ZNF607: variants seen among roughly 807,000 people sequenced by gnomAD.
The protein encoded by ZNF607 is zinc finger protein 607.
A neutral mutation model predicts 12.8 loss-of-function variants in ZNF607; 5 were observed. The ratio of observed to expected loss-of-function variants is 0.39; its 90% CI spans 0.20 to 0.82. The LOEUF (loss-of-function observed/expected upper bound fraction) is 0.82, where lower values mean the gene tolerates loss of function less well. Among genes scored for constraint, ZNF607 ranks in the 40% least tolerant of loss-of-function variants. The probability of loss-of-function intolerance (pLI) is 0.39; values close to 1 mark genes in which losing one functional copy is unlikely to be tolerated. For synonymous variants in ZNF607, 287 were observed against 276.2 expected (o/e 1.04, Z -0.39); for missense variants, 851 against 859.2 (o/e 0.99, Z 0.12).
intron 4 of ZNF607, among the ~76,000 whole-genome samples, chr19:37,705,276 A>G (rs1212594351): frequency 1.3e-5 from 2 of 152,220 alleles, no homozygotes; most frequent in East Asian, 1.9e-4. Flanking sequence ...CAATTTGACA[A>G]CTTAGATGAA....
In ZNF607 at chr19:37,699,276, T is replaced by C. The variant is rs148246810; in HGVS notation, c.855A>G (p.Glu285=). 37 of 1,613,916 alleles carry C rather than the reference T, an allele frequency of 2.3e-5. No individual in the cohort carries two copies. In the African/African-American group the frequency reaches 4.8e-4, roughly 21 times the overall value. Residue 285 remains glutamate, a synonymous_variant, in exon 5 of 5, where the codon GAA becomes GAG. Coordinates refer to ENST00000355202, the MANE Select transcript of ZNF607 (RefSeq NM_032689.5). ...HTGEKPHECK[E]CGKAFRQFSH... ...AAAACTGACGAAAGGCCTTTCCACA[T>C]TCCTTACATTCATGTGGCTTCTCTC...
chr19:37,698,667 ATAAC>A lies in ZNF607; in HGVS notation c.1460_1463del (p.Ser487IlefsTer37), dbSNP rs1461466055. The A allele has an allele frequency of 3.1e-6, 5 of 1,613,414 alleles. No homozygotes were observed. Among genetic ancestry groups the A allele is most frequent in the Non-Finnish European group, 4.2e-6 (5 of 1,179,874 alleles). ...TGCGATGTATAGTGAGTTTATGGCT[ATAAC>A]TAAAACCCTTCCCACACTCTTGACA... On this transcript the variant is annotated frameshift_variant, in exon 5 of 5. Transcript: ENST00000355202. LOFTEE classifies it low-confidence loss of function (END_TRUNC).
chr19:37,710,504 TGGA>T (rs1320783198), intron 2 of ZNF607, among the ~76,000 whole-genome samples: 17 of 138,658 alleles, frequency 1.2e-4, no homozygotes, highest in Non-Finnish European at 2.5e-4. Flanking sequence ...GAAAATGGAG[TGGA>T]GGAGATGAAG....
rs780530539 is a variant in ZNF607 at position 37,699,265 on chromosome 19, G to T, written c.866C>A (p.Ala289Asp). ...KPHECKECGK[A>D]FRQFSHLVGH... Reference sequence around the variant, plus strand: ...CACAAGGTGGGAAAACTGACGAAAGGCCTTTCCACATTCCTTACATTCATG... The same window carrying T: ...CACAAGGTGGGAAAACTGACGAAAGTCCTTTCCACATTCCTTACATTCATG... The change falls in exon 5 of 5, where the codon GCC becomes GAC. Residue 289 changes from alanine to aspartate, a missense_variant. Ala to Asp is a moderately radical substitution (Grantham distance 126, BLOSUM62 -2). Coordinates refer to ENST00000355202, the MANE Select transcript of ZNF607 (RefSeq NM_032689.5). The T allele has an allele frequency of 2.5e-6, 4 of 1,613,956 alleles. No homozygotes were observed. The highest frequency in any genetic ancestry group is 3.4e-6 in the Non-Finnish European group (4 of 1,179,998).
At chr19:37,713,187 G>T (rs529194746) in intron 1 of ZNF607, among the ~76,000 whole-genome samples, 3 of 151,974 alleles carry the variant, frequency 2.0e-5, no homozygotes, top group Admixed American at 6.6e-5. Context: ...AGTGTAATTT[G>T]TTCATAGCCT....
At chr19:37,707,819 C>T in intron 4 of ZNF607, 95 bp downstream of exon 4, 1 of 915,204 alleles carries the variant, frequency 1.1e-6, no homozygotes, top group Non-Finnish European at 1.7e-6. Context: ...AATTTATGAC[C>T]AATGTTTCAA....
In ZNF607 at chr19:37,699,932, G is replaced by GA; in HGVS notation, c.236-38dup. 4.9e-6 allele frequency: 7 copies of GA among 1,417,500 alleles called. No homozygotes were observed. In the South Asian group the frequency reaches 9.7e-5, roughly 20 times the overall value. The allele number at this position is 1,417,500 out of a possible 1,614,324, so 87.8% of individuals were successfully genotyped here. On this transcript the variant is annotated intron_variant, in intron 4 of 4. Transcript: ENST00000355202. ...AAAATAAAAACATTTTATTGGATGA[G>GA]AAAATGTCAATGTTATTGTAGAATT... is the stretch of plus-strand genomic sequence containing the variant.
Position 37,698,030 on chromosome 19 carries a change from A to G in ZNF607, c.*10T>C. The G allele has an allele frequency of 1.3e-6, 2 of 1,570,364 alleles. No homozygotes were observed. The highest frequency in any genetic ancestry group is 2.4e-5 in the South Asian group (2 of 82,776). On this transcript the variant is annotated 3_prime_UTR_variant, in exon 5 of 5. Transcript: ENST00000355202. The stretch of plus-strand genomic sequence containing the variant: ...TTTCTTTACTACCTGTATATGCCAC[A>G]ATTTCTCTATCAAATATGAATTCTC...
At chr19:37,716,754 C>G (rs1337854128) in intron 1 of ZNF607, among the ~76,000 whole-genome samples, 1 of 152,110 alleles carries the variant, frequency 6.6e-6, no homozygotes, top group Non-Finnish European at 1.5e-5. Context: ...GACGAAACTG[C>G]CTTAATTCCA....
In ZNF607 at chr19:37,696,904, C is replaced by T. The variant is rs140031287; in HGVS notation, c.*1136G>A. 4.8e-3 allele frequency: 3,280 copies of T among 677,014 alleles called. 15 individuals are homozygous for T. Among genetic ancestry groups the T allele is most frequent in the Non-Finnish European group, 6.8e-3 (2,534 of 373,528 alleles). 41.9% of individuals were successfully genotyped at this position (677,014 alleles called of 1,614,324 possible). A position where few individuals can be genotyped will look rare whatever the true frequency, so the allele number is the denominator to read the frequency against. On this transcript the variant is annotated 3_prime_UTR_variant, in exon 5 of 5. Coordinates refer to ENST00000355202, the MANE Select transcript of ZNF607 (RefSeq NM_032689.5). ...AAGGTCAGATGTGTCAAAGACACGT[C>T]GTCCAGAATGAGCCCAAAGGTGGCT...
At chr19:37,710,186 C>T (rs1228449431) in intron 2 of ZNF607, among the ~76,000 whole-genome samples, 2 of 150,076 alleles carry the variant, frequency 1.3e-5, no homozygotes, top group African/African-American at 2.5e-5. Flanking sequence ...AGTGGATGGC[C>T]GGGCGCGGTG....
At position 37,698,591 on chromosome 19, in the gene ZNF607, A is replaced by C; in HGVS notation, c.1540T>G (p.Phe514Val). The change falls in exon 5 of 5, where the codon TTT becomes GTT. Residue 514 changes from phenylalanine to valine, a missense_variant. By Grantham distance (50) the Phe-to-Val change is conservative. Transcript: ENST00000355202. Reference sequence around the variant, plus strand: ...TGAGTAAGTTGTCCAGATACACTAAAGGCCTTCCCACATTCCTTACATTCA... The same window carrying C: ...TGAGTAAGTTGTCCAGATACACTAACGGCCTTCCCACATTCCTTACATTCA... ...PYECKECGKA[F>V]SVSGQLTQHL... The C allele has an allele frequency of 6.2e-7, 1 of 1,614,112 alleles. No homozygotes were observed. The highest frequency in any genetic ancestry group is 8.5e-7 in the Non-Finnish European group (1 of 1,180,002).
At chr19:37,704,773 C>T (rs111581996) in intron 4 of ZNF607, among the ~76,000 whole-genome samples, 33 of 152,220 alleles carry the variant, frequency 2.2e-4, no homozygotes, top group Middle Eastern at 3.4e-3. Context: ...CTGGCTAACA[C>T]GGTGAAACCT....
Position 37,698,526 on chromosome 19 carries a change from GCATT to G in ZNF607, c.1601_1604del (p.Glu534AlafsTer189), listed in dbSNP as rs2045001334. The G allele has an allele frequency of 1.2e-6, 2 of 1,611,628 alleles. No homozygotes were observed. Among genetic ancestry groups the G allele is most frequent in the Non-Finnish European group, 1.7e-6 (2 of 1,178,166 alleles). The stretch of plus-strand genomic sequence containing the variant: ...ACCTAAAAGACTTCCCGCATTTGTT[GCATT>G]CAAAGGGTTTCTTACCACTGTGAAT... On this transcript the variant is annotated frameshift_variant, in exon 5 of 5. Transcript: ENST00000355202. LOFTEE classifies it low-confidence loss of function (END_TRUNC).
At position 37,696,583 on chromosome 19, in the gene ZNF607, C is replaced by T; in HGVS notation, c.*1457G>A. The T allele has an allele frequency of 1.9e-6, 1 of 540,400 alleles. No individual in the cohort carries two copies. The highest frequency in any genetic ancestry group is 3.4e-6 in the Non-Finnish European group (1 of 296,484). The allele number at this position is 540,400 out of a possible 1,614,324, so 33.5% of individuals were successfully genotyped here. A position where few individuals can be genotyped will look rare whatever the true frequency, so the allele number is the denominator to read the frequency against. ...GTTACGAATCATCGGGGCTGTGGCC[C>T]AGTTGCCTCACGGAGGTGCAGGTAG... is the stretch of plus-strand genomic sequence containing the variant. On this transcript the variant is annotated 3_prime_UTR_variant, in exon 5 of 5. Coordinates refer to ENST00000355202, the MANE Select transcript of ZNF607 (RefSeq NM_032689.5).
chr19:37,702,744 T>C (rs1038725136), intron 4 of ZNF607, among the ~76,000 whole-genome samples: 4 of 152,170 alleles, frequency 2.6e-5, no homozygotes, highest in African/African-American at 9.7e-5. Flanking sequence ...AGATGTGATA[T>C]ACATGGAAAT....
chr19:37,698,538 T>C lies in ZNF607; in HGVS notation c.1593A>G (p.Lys531=), dbSNP rs1206083530. 6.2e-7 allele frequency: 1 copy of C among 1,611,870 alleles called. No individual in the cohort carries two copies. The change falls in exon 5 of 5, where the codon AAA becomes AAG. Residue 531 remains lysine (K), a synonymous_variant. Coordinates refer to ENST00000355202, the MANE Select transcript of ZNF607 (RefSeq NM_032689.5). The part of the protein sequence containing the change: ...TQHLSIHSGK[K]PFECNKCGKS... ...TCCCGCATTTGTTGCATTCAAAGGG[T>C]TTCTTACCACTGTGAATACTCAGAT...
intron 1 of ZNF607, among the ~76,000 whole-genome samples, chr19:37,712,343 G>A (rs767303481): frequency 6.6e-6 from 1 of 151,996 alleles, no homozygotes; most frequent in Non-Finnish European, 1.5e-5. Flanking sequence ...AGAGAGAAAG[G>A]CTGGCAGACA....
intron 4 of ZNF607, among the ~76,000 whole-genome samples, chr19:37,706,981 C>T (rs1280141274): frequency 1.3e-5 from 2 of 152,156 alleles, no homozygotes; most frequent in Non-Finnish European, 2.9e-5. Context: ...AGTGCCACCA[C>T]ACCTAGCTAA....
Sources: gnomAD v4.1 joint callset for allele counts (sites outside exome capture counted in the v4.1 genomes callset) on GRCh38, gnomAD v4.1.1 for gene constraint, MANE v1.5 for transcripts, NCBI Gene and HGNC (gene_info 2026-07-23, HGNC 2026-07-21) for gene names.